The following AASS variants were observed in gnomAD, a reference collection of about 807,000 sequenced individuals.
AASS encodes the protein aminoadipate-semialdehyde synthase.
In AASS, 86 loss-of-function variants were observed where a neutral mutation model predicts 105.4. The observed-to-expected ratio is 0.82, with a 90% CI of 0.69 to 0.98. The LOEUF (loss-of-function observed/expected upper bound fraction) is 0.98. AASS is among the 50% of genes least tolerant of loss of function. The pLI is 0.00. For synonymous variants in AASS, 381 were observed against 394.8 expected (o/e 0.96, Z 0.41); for missense variants, 1,048 against 1,143.2 (o/e 0.92, Z 1.20).
intron 23 of AASS, among the ~76,000 whole-genome samples, chr7:122,077,462 C>T (rs999798637): frequency 6.6e-6 from 1 of 152,146 alleles, no homozygotes; most frequent in Non-Finnish European, 1.5e-5. Flanking sequence ...AGGAAGTTAC[C>T]ATTCCCTGGG....
intron 2 of AASS, among the ~76,000 whole-genome samples, chr7:122,131,581 G>T (rs1795919652): frequency 6.6e-6 from 1 of 151,728 alleles, no homozygotes; most frequent in Non-Finnish European, 1.5e-5. Flanking sequence ...TCCTCTGGAG[G>T]TCTTTTAGTA....
At position 122,098,750 on chromosome 7, in the gene AASS, G is replaced by A. The variant is rs765134429; in HGVS notation, c.1523C>T (p.Thr508Ile). ...AAAAATTAGGGCTTATTTACCTACT[G>A]TTATTTCTATATTGCCATCTCTTGA... ...YLSRDGNIEI[T>I]VGSDMKNQIE... is the part of the protein sequence containing the mutation. Residue 508 changes from threonine (T) to isoleucine (I), a missense_variant, in exon 14 of 24, where the codon ACA becomes ATA. By Grantham distance (89) the Thr-to-Ile change is moderately conservative (BLOSUM62 -1). Coordinates refer to ENST00000417368, the MANE Select transcript of AASS (RefSeq NM_005763.4). 1.3e-5 allele frequency: 21 copies of A among 1,607,098 alleles called. No individual in the cohort carries two copies. The South Asian group carries it at 2.2e-4, about 17-fold the overall frequency.
chr7:122,077,437 CAAAG>C (rs1007098355), intron 23 of AASS, among the ~76,000 whole-genome samples: 1 of 151,990 alleles, frequency 6.6e-6, no homozygotes, highest in African/African-American at 2.4e-5. Flanking sequence ...TGGCAAAAAC[CAAAG>C]AAAGAAAGGA....
chr7:122,129,298 G>C, intron 3 of AASS, 63 bp downstream of exon 3: 1 of 1,101,364 alleles, frequency 9.1e-7, no homozygotes, highest in Admixed American at 3.1e-5. Context: ...CTCCATTTGG[G>C]GGTTAAAAGT....
chr7:122,096,483 C>T (rs1794159793), intron 15 of AASS, among the ~76,000 whole-genome samples: 1 of 151,966 alleles, frequency 6.6e-6, no homozygotes, highest in South Asian at 2.1e-4. Context: ...CAAACTTTAG[C>T]TAGGCATAGT....
In AASS at chr7:122,111,644, C is replaced by T. The variant is rs545622915; in HGVS notation, c.1278+1474G>A. Among the ~76,000 whole-genome samples, 16 of 152,304 alleles carry T rather than the reference C, an allele frequency of 1.1e-4. No homozygotes were observed. In the South Asian group the frequency reaches 3.1e-3, roughly 30 times the overall value. ...CGTGGCTGGGCGCGGTGGCTCACGC[C>T]TGTAATACCAGCACTTTGGGAGGCC... On this transcript the variant is annotated intron_variant, in intron 11 of 23. Coordinates refer to ENST00000417368, the MANE Select transcript of AASS (RefSeq NM_005763.4).
intron 15 of AASS, among the ~76,000 whole-genome samples, chr7:122,095,779 T>C (rs538264722): frequency 6.6e-6 from 1 of 152,140 alleles, no homozygotes; most frequent in Admixed American, 6.6e-5. Context: ...TAGTAGACTT[T>C]TGGAAACCAC....
At chr7:122,124,139 C>T (rs1015130536) in intron 4 of AASS, among the ~76,000 whole-genome samples, 1 of 152,166 alleles carries the variant, frequency 6.6e-6, no homozygotes, top group African/African-American at 2.4e-5. Flanking sequence ...TCACTTTGAG[C>T]TTTGCACACT....
At chr7:122,096,671 G>A (rs1273393869) in intron 15 of AASS, among the ~76,000 whole-genome samples, 2 of 151,920 alleles carry the variant, frequency 1.3e-5, no homozygotes, top group East Asian at 3.9e-4. Context: ...GGATAACATT[G>A]TTTAATGGCA....
intron 13 of AASS, among the ~76,000 whole-genome samples, chr7:122,099,668 T>C (rs1002667334): frequency 6.6e-6 from 1 of 151,896 alleles, no homozygotes; most frequent in Admixed American, 6.6e-5. Flanking sequence ...CATGAAACCA[T>C]AGAAATGGCC....
At chr7:122,095,365 T>C (rs1297192918) in intron 15 of AASS, among the ~76,000 whole-genome samples, 1 of 152,150 alleles carries the variant, frequency 6.6e-6, no homozygotes. Flanking sequence ...TTCATAAATA[T>C]GAGTGTTATA....
chr7:122,080,422 C>G (rs900504061), intron 20 of AASS, among the ~76,000 whole-genome samples: 4 of 152,082 alleles, frequency 2.6e-5, no homozygotes, highest in African/African-American at 7.2e-5. Context: ...AAGTCTAAAA[C>G]CTTTATAATC....
chr7:122,075,292 T>C lies in AASS; in HGVS notation c.*1197A>G, dbSNP rs766204595. Among the ~76,000 whole-genome samples, 7 of 152,252 alleles carry C rather than the reference T, an allele frequency of 4.6e-5. No individual in the cohort carries two copies. The highest frequency in any genetic ancestry group is 7.3e-5 in the Non-Finnish European group (5 of 68,044). ...GTATCCTGTAACTTTGCTGAATTTA[T>C]TTATTAATAAATCATGCCTTTGGAT... On this transcript the variant is annotated 3_prime_UTR_variant, in exon 24 of 24. Transcript: ENST00000417368.
At chr7:122,096,609 C>T (rs944651975) in intron 15 of AASS, among the ~76,000 whole-genome samples, 11 of 149,404 alleles carry the variant, frequency 7.4e-5, no homozygotes, top group African/African-American at 2.5e-4. Flanking sequence ...GCCTGGGTGA[C>T]AAAATGAGAC....
At chr7:122,108,271 T>A (rs1404208825) in intron 11 of AASS, among the ~76,000 whole-genome samples, 1 of 152,132 alleles carries the variant, frequency 6.6e-6, no homozygotes, top group East Asian at 1.9e-4. Context: ...CCAATTCTTC[T>A]CAAACTATTC....
intron 2 of AASS, 26 bp downstream of exon 2, chr7:122,133,491 C>T (rs1437284719): frequency 6.2e-7 from 1 of 1,610,990 alleles, no homozygotes; most frequent in African/African-American, 1.3e-5. Flanking sequence ...ATTTTATTCT[C>T]ACATAAAAAT....
At chr7:122,085,900 G>T in intron 19 of AASS, 112 bp downstream of exon 19, 1 of 1,159,586 alleles carries the variant, frequency 8.6e-7, no homozygotes, top group East Asian at 2.5e-5. Flanking sequence ...TGAAAAAATA[G>T]ACTCCAACTT....
Position 122,079,666 on chromosome 7 carries a change from T to C in AASS, c.2327A>G (p.His776Arg). 6.2e-7 allele frequency: 1 copy of C among 1,614,016 alleles called. No individual in the cohort carries two copies. The change falls in exon 21 of 24, where the codon CAT becomes CGT. Residue 776 changes from histidine to arginine, a missense_variant. Transcript: ENST00000417368. ...AAGAACAGCTTCCTTCAACACATCA[T>C]GCTCAGAGGAGGGTGAAATCCCAAC... ...DLVGISPSSE[H>R]DVLKEAVLKK...
intron 11 of AASS, among the ~76,000 whole-genome samples, chr7:122,108,676 C>T (rs2150530018): frequency 6.6e-6 from 1 of 152,094 alleles, no homozygotes; most frequent in Admixed American, 6.6e-5. Context: ...CATACCTCAA[C>T]ATAATAAAAG....
Sources: allele counts gnomAD v4.1 joint callset (sites outside exome capture counted in the v4.1 genomes callset), GRCh38; gene constraint gnomAD v4.1.1; transcripts MANE v1.5; gene names NCBI Gene and HGNC (gene_info 2026-07-23, HGNC 2026-07-21).